The following GDF1 variants were observed in gnomAD, a reference collection of about 807,000 sequenced individuals.
GDF1 encodes the protein embryonic growth/differentiation factor 1.
A neutral mutation model predicts 7.4 loss-of-function variants in GDF1; 8 were observed. That is an observed-to-expected ratio of 1.09 (90% CI 0.64 to 1.96). The LOEUF (loss-of-function observed/expected upper bound fraction) is 1.96. Ranked by LOEUF, GDF1 falls within the 30% of genes most tolerant of loss-of-function variation. The probability of loss-of-function intolerance (pLI) is 0.00; values close to 1 mark genes in which losing one functional copy is unlikely to be tolerated. For missense variants in GDF1, 574 were observed against 551.5 expected, an observed-to-expected ratio of 1.04 and a Z score of -0.41; for synonymous variants, 311 against 276.7, an observed-to-expected ratio of 1.12 and a Z score of -1.23.
At position 18,878,897 on chromosome 19, in the gene GDF1, G is replaced by A; in HGVS notation, c.-313+33C>T. The A allele has an allele frequency of 1.2e-6, 2 of 1,609,176 alleles. No individual in the cohort carries two copies. The highest frequency in any genetic ancestry group is 1.7e-6 in the Non-Finnish European group (2 of 1,178,218). On this transcript the variant is annotated intron_variant, in intron 6 of 7. Coordinates refer to ENST00000247005, the MANE Select transcript of GDF1 (RefSeq NM_001492.6). This position sits in a 1 kb window ranked among gnomAD's most constrained non-coding sequence, Gnocchi z 4.6. ...CGCTTGGACGGGTGACACTAAAGGA[G>A]GGAACGCGGGGTGCGGGCCCCTCCA...
chr19:18,879,944 C>T (rs1283146189), intron 4 of GDF1, among the ~76,000 whole-genome samples: 1 of 151,680 alleles, frequency 6.6e-6, no homozygotes, highest in Admixed American at 6.6e-5. Flanking sequence ...CCCTGGCTTG[C>T]TCTGTATTAG....
At chr19:18,876,940 G>A (rs2056070618) in intron 6 of GDF1, among the ~76,000 whole-genome samples, 2 of 152,142 alleles carry the variant, frequency 1.3e-5, no homozygotes, top group South Asian at 2.1e-4. Flanking sequence ...CTGTCTCCTT[G>A]GTCTCCTCTG....
intron 2 of GDF1, among the ~76,000 whole-genome samples, chr19:18,890,760 AAC>A (rs2056469010): frequency 6.7e-6 from 1 of 148,652 alleles, no homozygotes; most frequent in African/African-American, 2.5e-5. Flanking sequence ...CAGCCTGAGC[AAC>A]AGAGTAAGAC....
intron 2 of GDF1, among the ~76,000 whole-genome samples, chr19:18,888,358 C>CA (rs909589943): frequency 5.1e-4 from 74 of 146,238 alleles, no homozygotes; most frequent in African/African-American, 1.8e-3. Context: ...GACTCCATCT[C>CA]AAAAAAAAAA....
Position 18,868,782 on chromosome 19 carries a change from G to C in GDF1, c.934C>G (p.Pro312Ala), listed in dbSNP as rs1568289554. The C allele has an allele frequency of 7.8e-5, 114 of 1,464,542 alleles. 1 individual carries two copies. In the East Asian group the frequency reaches 3.4e-3, roughly 44 times the overall value. 90.7% of individuals were successfully genotyped at this position (1,464,542 alleles called of 1,614,324 possible). A position where few individuals can be genotyped will look rare whatever the true frequency, so the allele number is the denominator to read the frequency against. ...AGCACAGCGTGGTTGAGCGCCGGCG[G>C]CCCCCCGGACCCCGACAGCGCGACG... ...LPVALSGSGG[P>A]PALNHAVLRA... Residue 312 changes from proline to alanine, a missense_variant, in exon 8 of 8, where the codon CCG (proline) becomes GCG (alanine). By Grantham distance (27) the Pro-to-Ala change is conservative. Transcript: ENST00000247005.
chr19:18,869,486 T>C, intron 7 of GDF1, 96 bp from the exon 8 acceptor site: 2 of 1,333,226 alleles, frequency 1.5e-6, no homozygotes, highest in South Asian at 2.7e-5. Context: ...ACGCTGGGGC[T>C]CGGGGCGCAC....
chr19:18,871,986 A>T (rs1232022468), intron 6 of GDF1, among the ~76,000 whole-genome samples: 1 of 152,220 alleles, frequency 6.6e-6, no homozygotes, highest in East Asian at 1.9e-4. Flanking sequence ...CCTAAGGCTT[A>T]TGGGAAACAA....
intron 2 of GDF1, among the ~76,000 whole-genome samples, chr19:18,885,907 G>A (rs1422143667): frequency 2.6e-5 from 4 of 152,138 alleles, no homozygotes; most frequent in Non-Finnish European, 5.9e-5. Flanking sequence ...GGCTGCCCAC[G>A]GAGTCTTGCC....
intron 2 of GDF1, 150 bp from the exon 3 acceptor site, chr19:18,884,417 ATTTTT>A: frequency 1.8e-6 from 1 of 562,428 alleles, no homozygotes; most frequent in Non-Finnish European, 2.9e-6. Flanking sequence ...TCCCAATTCT[ATTTTT>A]TTTTTTTTTT....
At chr19:18,877,408 T>C (rs542601045) in intron 6 of GDF1, among the ~76,000 whole-genome samples, 54 of 152,254 alleles carry the variant, frequency 3.5e-4, no homozygotes, top group Admixed American at 7.2e-4. Context: ...CCTTTAGCCA[T>C]CGCCACCTTT....
At chr19:18,887,409 T>A (rs935553774) in intron 2 of GDF1, among the ~76,000 whole-genome samples, 3 of 152,096 alleles carry the variant, frequency 2.0e-5, no homozygotes, top group Non-Finnish European at 2.9e-5. Context: ...GGGATGATAA[T>A]GTTCCAGACC....
rs1322632787 is a variant in GDF1, at chr19:18,869,133, G to C, written c.583C>G (p.Arg195Gly). Residue 195 changes from arginine to glycine, a missense_variant, in exon 8 of 8, where the codon CGC becomes GGC. Transcript: ENST00000247005. ...CAAGCGGCGCCCAGCAGCTCCGCGC[G>C]CACTGGCGGCCCCAGGGCGGGCACC... ...QLVPALGPPV[R>G]AELLGAAWAR... 3 of 1,102,094 alleles carry C rather than the reference G, an allele frequency of 2.7e-6. No homozygotes were observed. Among genetic ancestry groups the C allele is most frequent in the South Asian group, 3.3e-5 (1 of 30,590 alleles). 68.3% of individuals were successfully genotyped at this position (1,102,094 alleles called of 1,614,324 possible). A position where few individuals can be genotyped will look rare whatever the true frequency, so the allele number is the denominator to read the frequency against.
chr19:18,870,724 C>A lies in GDF1; in HGVS notation c.-312-105G>T, dbSNP rs989301620. 9.4e-5 allele frequency: 43 copies of A among 459,520 alleles called. No homozygotes were observed. Among genetic ancestry groups the A allele is most frequent in the Non-Finnish European group, 1.5e-4 (38 of 253,360 alleles). The allele number at this position is 459,520 out of a possible 1,614,324, so 28.5% of individuals were successfully genotyped here. ...GTTTCACACCCCCTGGCTCCTTTTACCCGGCCAGGCCCGGGCCTCGCCTTG... is the reference window on the plus strand; with the variant it reads ...GTTTCACACCCCCTGGCTCCTTTTAACCGGCCAGGCCCGGGCCTCGCCTTG... On this transcript the variant is annotated intron_variant, in intron 6 of 7. Coordinates refer to ENST00000247005, the MANE Select transcript of GDF1 (RefSeq NM_001492.6). This position sits in a 1 kb window ranked among gnomAD's most constrained non-coding sequence, Gnocchi z 5.1.
intron 6 of GDF1, among the ~76,000 whole-genome samples, chr19:18,877,015 C>T (rs893313320): frequency 6.6e-5 from 10 of 152,172 alleles, no homozygotes; most frequent in South Asian, 2.1e-4. Flanking sequence ...GGCATCCTGA[C>T]GGGCTCTTTT....
At position 18,870,189 on chromosome 19, in the gene GDF1, A is replaced by T; in HGVS notation, c.119T>A (p.Leu40His). The change falls in exon 7 of 8, where the codon CTC becomes CAC. Residue 40 changes from leucine to histidine, a missense_variant. Coordinates refer to ENST00000247005, the MANE Select transcript of GDF1 (RefSeq NM_001492.6). This position sits in a 1 kb window ranked among gnomAD's most constrained non-coding sequence, Gnocchi z 5.1. ...PVPPGPAAAL[L>H]QALGLRDEPQ... ...CTCATCGCGCAGTCCTAGAGCCTGG[A>T]GCAGGGCGGCGGCTGGGCCTGGGGG... 6.4e-7 allele frequency: 1 copy of T among 1,563,336 alleles called. No individual in the cohort carries two copies. Among genetic ancestry groups the T allele is most frequent in the Non-Finnish European group, 8.6e-7 (1 of 1,161,952 alleles).
At chr19:18,892,700 C>T (rs892182028) in intron 2 of GDF1, among the ~76,000 whole-genome samples, 11 of 152,274 alleles carry the variant, frequency 7.2e-5, no homozygotes, top group African/African-American at 2.4e-4. Context: ...CCCCATGAAA[C>T]GTGAGTGCCT....
At chr19:18,885,554 C>A (rs1287978087) in intron 2 of GDF1, among the ~76,000 whole-genome samples, 1 of 137,722 alleles carries the variant, frequency 7.3e-6, no homozygotes, top group Non-Finnish European at 1.5e-5. Context: ...GAGTCTTGCT[C>A]TGTAGCCCAG....
At chr19:18,871,162 A>G (rs925731935) in intron 6 of GDF1, among the ~76,000 whole-genome samples, 1 of 148,148 alleles carries the variant, frequency 6.8e-6, no homozygotes, top group African/African-American at 2.5e-5. Context: ...GGCTCAATGG[A>G]TCCTCCCACC....
At chr19:18,874,927 G>T (rs1283110508) in intron 6 of GDF1, among the ~76,000 whole-genome samples, 1 of 152,108 alleles carries the variant, frequency 6.6e-6, no homozygotes. Context: ...TTTTCTGAAG[G>T]GTTCCAATCC....
Sources: gnomAD v4.1 joint callset for allele counts (sites outside exome capture counted in the v4.1 genomes callset) on GRCh38, gnomAD v4.1.1 for gene constraint, Gnocchi (gnomAD v3.1) non-coding constraint, MANE v1.5 for transcripts, NCBI Gene and HGNC (gene_info 2026-07-23, HGNC 2026-07-21) for gene names.